RNF170: variants seen among roughly 807,000 people sequenced by gnomAD.
RNF170 encodes the protein ring finger protein 170, also known as E3 ubiquitin-protein ligase RNF170.
A neutral mutation model predicts 32.7 loss-of-function variants in RNF170; 12 were observed. The ratio of observed to expected loss-of-function variants is 0.37; its 90% CI spans 0.24 to 0.60. The LOEUF (loss-of-function observed/expected upper bound fraction) is 0.60, where lower values mean the gene tolerates loss of function less well. Among genes scored for constraint, RNF170 ranks in the 20% least tolerant of loss-of-function variants. The pLI is 0.72. For missense variants in RNF170, 212 were observed against 311.2 expected (o/e 0.68, Z 2.40); for synonymous variants, 91 against 103.6 (o/e 0.88, Z 0.74).
chr8:42,894,156 A>C (rs1806545855), intron 1 of RNF170, among the ~76,000 whole-genome samples: 1 of 152,234 alleles, frequency 6.6e-6, no homozygotes, highest in Non-Finnish European at 1.5e-5. Flanking sequence ...AATTTCTTTC[A>C]TCAAAGGTAA....
chr8:42,850,604 T>C, downstream of RNF170: 3 of 702,558 alleles, frequency 4.3e-6, no homozygotes, highest in Non-Finnish European at 7.1e-6. Flanking sequence ...ACATTGTCTC[T>C]GTTTTCATAG....
chr8:42,882,080 A>AC (rs1256884743), intron 2 of RNF170, among the ~76,000 whole-genome samples: 27 of 152,338 alleles, frequency 1.8e-4, no homozygotes, highest in African/African-American at 6.0e-4. Flanking sequence ...TATTAAAAAA[A>AC]ACACACACAC....
intron 3 of RNF170, among the ~76,000 whole-genome samples, chr8:42,870,611 T>C (rs918720452): frequency 2.6e-5 from 4 of 152,068 alleles, no homozygotes; most frequent in African/African-American, 9.7e-5. Context: ...GCGCCTGTAG[T>C]CCCAGCTACT....
chr8:42,897,232 C>T, upstream of RNF170: 1 of 1,202,154 alleles, frequency 8.3e-7, no homozygotes, highest in African/African-American at 1.6e-5. Context: ...CCTCCCCCCG[C>T]CACCTACCGG....
intron 1 of RNF170, among the ~76,000 whole-genome samples, chr8:42,891,059 A>G (rs992567100): frequency 1.3e-5 from 2 of 152,220 alleles, no homozygotes; most frequent in Admixed American, 6.5e-5. Flanking sequence ...TGTTGTTCAC[A>G]GTCAGTGATT....
Position 42,854,247 on chromosome 8 carries a change from C to G in RNF170, c.*1912G>C, listed in dbSNP as rs749774700. On this transcript the variant is annotated 3_prime_UTR_variant, in exon 7 of 7. Coordinates refer to ENST00000527424, the MANE Select transcript of RNF170 (RefSeq NM_030954.4). ...TGGAGGTATAATGTAGCACGAAAGA[C>G]TTCCAAAGAACCAGTTTCTCTCTTG... 3.9e-6 allele frequency: 5 copies of G among 1,287,078 alleles called. No individual in the cohort carries two copies. The South Asian group carries it at 6.2e-5, about 16-fold the overall frequency. 79.7% of individuals were successfully genotyped at this position (1,287,078 alleles called of 1,614,324 possible). A position where few individuals can be genotyped will look rare whatever the true frequency, so the allele number is the denominator to read the frequency against.
chr8:42,883,972 T>G (rs1805615879), intron 2 of RNF170, among the ~76,000 whole-genome samples: 1 of 152,194 alleles, frequency 6.6e-6, no homozygotes, highest in South Asian at 2.1e-4. Flanking sequence ...ATTATGTAAC[T>G]TGAAAAGATG....
At chr8:42,874,958 G>A (rs1295438665) in intron 2 of RNF170, among the ~76,000 whole-genome samples, 2 of 152,002 alleles carry the variant, frequency 1.3e-5, no homozygotes, top group Middle Eastern at 3.2e-3. Flanking sequence ...GATCACCTGA[G>A]GTTGGGAGTT....
chr8:42,895,215 T>A (rs1403472988), intron 1 of RNF170, among the ~76,000 whole-genome samples: 1 of 152,062 alleles, frequency 6.6e-6, no homozygotes, highest in African/African-American at 2.4e-5. Flanking sequence ...CTTGGGAGGC[T>A]GAGGTAGGAG....
At chr8:42,870,678 G>A (rs541775840) in intron 3 of RNF170, among the ~76,000 whole-genome samples, 9 of 152,230 alleles carry the variant, frequency 5.9e-5, no homozygotes, top group Admixed American at 4.6e-4. Context: ...GGAGTGAGCC[G>A]TGACTGCACC....
chr8:42,876,520 C>T (rs779179709), intron 2 of RNF170, among the ~76,000 whole-genome samples: 4 of 152,078 alleles, frequency 2.6e-5, no homozygotes, highest in Non-Finnish European at 5.9e-5. Flanking sequence ...CCACCATCTA[C>T]AAACCATGAA....
chr8:42,860,144 C>A (rs532156891), intron 6 of RNF170, among the ~76,000 whole-genome samples: 1 of 152,154 alleles, frequency 6.6e-6, no homozygotes, highest in Non-Finnish European at 1.5e-5. Flanking sequence ...GGAGCACCCA[C>A]GCTGAAATGG....
chr8:42,897,099 G>A, upstream of RNF170: 1 of 1,240,890 alleles, frequency 8.1e-7, no homozygotes, highest in Non-Finnish European at 1.0e-6. Context: ...TGTCTGGCCA[G>A]GCGGTAGGCG....
intron 2 of RNF170, among the ~76,000 whole-genome samples, chr8:42,878,351 A>G (rs1264318429): frequency 2.0e-5 from 3 of 152,214 alleles, no homozygotes; most frequent in Non-Finnish European, 2.9e-5. Flanking sequence ...AATTAAAAGG[A>G]AAAATTCCTG....
In RNF170 at chr8:42,857,863, C is replaced by T. The variant is rs572416997; in HGVS notation, c.508-1435G>A. On this transcript the variant is annotated intron_variant, in intron 6 of 6. Transcript: ENST00000527424. ...CAGCCTGGAAAGCAGGGTGAAACCC[C>T]GTCTCTACTAAAAATACAAAAATTA... Among the ~76,000 whole-genome samples the T allele has an allele frequency of 3.5e-4, 53 of 152,142 alleles. 1 individual carries two copies. The East Asian group carries it at 6.8e-3, about 19-fold the overall frequency.
At chr8:42,857,966 C>T (rs1310168035) in intron 6 of RNF170, among the ~76,000 whole-genome samples, 4 of 152,250 alleles carry the variant, frequency 2.6e-5, no homozygotes, top group Middle Eastern at 3.4e-3. Flanking sequence ...ACCCAGGAGA[C>T]AGAGGTTGCA....
chr8:42,896,422 C>A (rs1215316805), intron 1 of RNF170, 62 bp downstream of exon 1: 1 of 451,930 alleles, frequency 2.2e-6, no homozygotes. Context: ...AGGCCAGACC[C>A]CGCCGTCCGC....
chr8:42,856,221 AAAAGATGAC>A lies in RNF170; in HGVS notation c.706_714del (p.Val236_Phe238del). ...ATAATAGAGATGTAGATAAGCAATA[AAAAGATGAC>A]AAAGAAATCATCTAGAAAGCCTAGA... On this transcript the variant is annotated inframe_deletion, in exon 7 of 7. Transcript: ENST00000527424. 3 of 1,611,484 alleles carry A rather than the reference AAAAGATGAC, an allele frequency of 1.9e-6. No individual in the cohort carries two copies. The highest frequency in any genetic ancestry group is 2.5e-6 in the Non-Finnish European group (3 of 1,178,888).
At chr8:42,897,193 G>T, upstream of RNF170, 1 of 1,245,382 alleles carries the variant, frequency 8.0e-7, no homozygotes, top group Non-Finnish European at 1.0e-6. Flanking sequence ...ACTTGGGTAC[G>T]TGGGGGCCGC....
Sources: gnomAD v4.1 joint callset for allele counts (sites outside exome capture counted in the v4.1 genomes callset) on GRCh38, gnomAD v4.1.1 for gene constraint, MANE v1.5 for transcripts, NCBI Gene and HGNC (gene_info 2026-07-23, HGNC 2026-07-21) for gene names.